The following PTPRK variants were observed in gnomAD, a reference collection of about 807,000 sequenced individuals.
PTPRK encodes protein tyrosine phosphatase receptor type K, also known as receptor-type tyrosine-protein phosphatase kappa.
In PTPRK, 75 loss-of-function variants were observed where a neutral mutation model predicts 178.0. The ratio of observed to expected loss-of-function variants is 0.42; its 90% CI spans 0.35 to 0.51. The LOEUF (loss-of-function observed/expected upper bound fraction) is 0.51, where lower values mean the gene tolerates loss of function less well. Among genes scored for constraint, PTPRK ranks in the 20% least tolerant of loss-of-function variants. The pLI is 0.02. For synonymous variants in PTPRK, 637 were observed against 620.6 expected, an observed-to-expected ratio of 1.03 and a Z score of -0.39; for missense variants, 1,441 against 1,797.8, an observed-to-expected ratio of 0.80 and a Z score of 3.59.
chr6:128,499,997 A>G (rs1855301968), intron 1 of PTPRK, among the ~76,000 whole-genome samples: 1 of 152,244 alleles, frequency 6.6e-6, no homozygotes, highest in Admixed American at 6.5e-5. Context: ...AGTTATTGAA[A>G]ATAATTTTTA....
intron 2 of PTPRK, 32 bp downstream of exon 2, chr6:128,397,534 C>T: frequency 6.2e-7 from 1 of 1,611,464 alleles, no homozygotes; most frequent in Non-Finnish European, 8.5e-7. Flanking sequence ...AAAACTATTC[C>T]CCCAACACTG....
At chr6:128,305,241 G>C (rs1826205065) in intron 3 of PTPRK, among the ~76,000 whole-genome samples, 2 of 152,126 alleles carry the variant, frequency 1.3e-5, no homozygotes, top group Non-Finnish European at 2.9e-5. Flanking sequence ...ACTAATAGAG[G>C]TGGCTTCAAC....
chr6:128,435,111 AGGAAGGCAGGCAGGAAGGCAGGCAGGC>A (rs1845411019), intron 1 of PTPRK, among the ~76,000 whole-genome samples: 1 of 72,028 alleles, frequency 1.4e-5, no homozygotes, highest in Non-Finnish European at 2.6e-5. Flanking sequence ...GAAGGAAGGC[AGGAAGGCAGGCAGGAAGGCAGGCAGGC>A]AGGCAGGCAG....
chr6:128,075,363 C>T (rs1286428674), intron 11 of PTPRK, among the ~76,000 whole-genome samples: 2 of 76,892 alleles, frequency 2.6e-5, no homozygotes, highest in South Asian at 2.5e-3. Context: ...TAAACAACCT[C>T]TCCCTTTGCT....
Position 128,406,972 on chromosome 6 carries a change from T to C in PTPRK, c.101-9284A>G, listed in dbSNP as rs182975032. ...GGGGAATAGTGAATGAAATTTTACA[T>C]TGGATCTCACCAAGATTCAGGTTTG... On this transcript the variant is annotated intron_variant, in intron 1 of 29. Transcript: ENST00000368226. Among the ~76,000 whole-genome samples, 39 of 152,338 alleles carry C rather than the reference T, an allele frequency of 2.6e-4. No individual in the cohort carries two copies. The East Asian group carries it at 6.0e-3, about 23-fold the overall frequency.
chr6:128,082,319 A>C lies in PTPRK; in HGVS notation c.1777+118T>G. 3.3e-6 allele frequency: 3 copies of C among 912,832 alleles called. No homozygotes were observed. The South Asian group carries it at 4.5e-5, about 14-fold the overall frequency. 56.5% of individuals were successfully genotyped at this position (912,832 alleles called of 1,614,324 possible). A position where few individuals can be genotyped will look rare whatever the true frequency, so the allele number is the denominator to read the frequency against. On this transcript the variant is annotated intron_variant, in intron 10 of 29. Transcript: ENST00000368226. ...AAAGTGCTTTCATTTATGCATAACT[A>C]TATTAAAGGTTCAACAAGCAAGATG...
At position 128,240,150 on chromosome 6, in the gene PTPRK, T is replaced by A. The variant is rs774473823; in HGVS notation, c.578A>T (p.Asp193Val). 1 of 1,601,810 alleles carries A rather than the reference T, an allele frequency of 6.2e-7. No individual in the cohort carries two copies. The highest frequency in any genetic ancestry group is 1.7e-5 in the Admixed American group (1 of 59,072). Residue 193 changes from aspartate (D) to valine (V), a missense_variant and splice_region_variant, in exon 5 of 30, where the codon GAT becomes GTT. Asp to Val is a radical substitution (Grantham distance 152, BLOSUM62 -3). Transcript: ENST00000368226. ...DDIQVLSYPC[D>V]KSPHFLRLGD... The stretch of plus-strand genomic sequence containing the variant: ...TAGACGGAGGAAATGAGGAGATTTA[T>A]CTGTGAAGGAAGGGAAAAAAAAATG...
intron 2 of PTPRK, among the ~76,000 whole-genome samples, chr6:128,385,987 CA>C (rs1221159380): frequency 6.6e-6 from 1 of 152,084 alleles, no homozygotes; most frequent in Non-Finnish European, 1.5e-5. Context: ...TGCAGTGAAT[CA>C]ATTTGGCATT....
At chr6:127,995,568 G>A (rs1235687721) in intron 17 of PTPRK, 30 bp from the exon 18 acceptor site, 1 of 1,383,214 alleles carries the variant, frequency 7.2e-7, no homozygotes, top group South Asian at 1.3e-5. Flanking sequence ...AATATAAGCT[G>A]TTAAATTTTC....
At chr6:128,109,532 G>A (rs1790294518) in intron 7 of PTPRK, among the ~76,000 whole-genome samples, 2 of 152,150 alleles carry the variant, frequency 1.3e-5, no homozygotes. Context: ...TAACGACAGA[G>A]TCCAGTGTCA....
At chr6:128,015,371 G>A (rs1042809295) in intron 13 of PTPRK, among the ~76,000 whole-genome samples, 15 of 151,598 alleles carry the variant, frequency 9.9e-5, no homozygotes, top group East Asian at 1.9e-4. Context: ...AAAATAGAGC[G>A]TTAGTGCACT....
At chr6:128,303,676 T>C (rs1448288785) in intron 3 of PTPRK, among the ~76,000 whole-genome samples, 2 of 152,226 alleles carry the variant, frequency 1.3e-5, no homozygotes, top group Non-Finnish European at 2.9e-5. Context: ...GTTGATTACC[T>C]TAAGCTGGAA....
intron 2 of PTPRK, among the ~76,000 whole-genome samples, chr6:128,329,954 T>C (rs914323641): frequency 6.6e-6 from 1 of 152,198 alleles, no homozygotes; most frequent in East Asian, 1.9e-4. Context: ...GAGGACTAAG[T>C]AATATTCTAT....
chr6:128,344,753 T>C (rs1329008893), intron 2 of PTPRK, among the ~76,000 whole-genome samples: 1 of 151,980 alleles, frequency 6.6e-6, no homozygotes, highest in African/African-American at 2.4e-5. Context: ...TAGGCTAAAG[T>C]CATCTGCCTG....
At chr6:128,399,093 T>C (rs1840703282) in intron 1 of PTPRK, among the ~76,000 whole-genome samples, 4 of 152,194 alleles carry the variant, frequency 2.6e-5, no homozygotes, top group South Asian at 2.1e-4. Context: ...AATAGTGTAT[T>C]TGTTCAGTTT....
intron 1 of PTPRK, among the ~76,000 whole-genome samples, chr6:128,481,146 A>C (rs934585664): frequency 3.9e-5 from 6 of 152,092 alleles, no homozygotes; most frequent in Non-Finnish European, 8.8e-5. Flanking sequence ...AAAAAAAAAA[A>C]CTAAAAGCTC....
chr6:128,371,409 T>C (rs1836264407), intron 2 of PTPRK, among the ~76,000 whole-genome samples: 1 of 152,188 alleles, frequency 6.6e-6, no homozygotes, highest in South Asian at 2.1e-4. Flanking sequence ...TTTAATGCAA[T>C]CTAGATTTAG....
chr6:128,460,380 T>C (rs1020751862), intron 1 of PTPRK, among the ~76,000 whole-genome samples: 1 of 151,664 alleles, frequency 6.6e-6, no homozygotes, highest in Non-Finnish European at 1.5e-5. Context: ...TCGTCTCTAC[T>C]AAAAATAAAA....
At chr6:128,225,381 G>A (rs1811107167) in intron 5 of PTPRK, among the ~76,000 whole-genome samples, 1 of 152,092 alleles carries the variant, frequency 6.6e-6, no homozygotes. Context: ...TTGTCAAAAT[G>A]AATTCCAAAG....
Sources: allele counts gnomAD v4.1 joint callset (sites outside exome capture counted in the v4.1 genomes callset), GRCh38; gene constraint gnomAD v4.1.1; transcripts MANE v1.5; gene names NCBI Gene and HGNC (gene_info 2026-07-23, HGNC 2026-07-21).